The following HAO2 variants were observed in gnomAD, a reference collection of about 807,000 sequenced individuals.
HAO2 encodes the protein 2-Hydroxyacid oxidase 2.
Under a neutral mutation model 37.4 loss-of-function variants are expected in HAO2, and 42 were observed. The ratio of observed to expected loss-of-function variants is 1.12; its 90% CI spans 0.88 to 1.45. HAO2 has a LOEUF of 1.45. Among genes scored for constraint, HAO2 ranks in the 40% most tolerant of loss-of-function variants. HAO2 has a pLI of 0.00. For missense variants in HAO2, 476 were observed against 430.2 expected (o/e 1.11, Z -0.94); for synonymous variants, 180 against 162.8 (o/e 1.11, Z -0.81).
At chr1:119,385,269 C>G (rs1650288796) in intron 4 of HAO2, 1 of 985,086 alleles carries the variant, frequency 1.0e-6, no homozygotes, top group African/African-American at 1.7e-5. Context: ...ATGTTCTCAC[C>G]CTTGGAGCTG....
At chr1:119,380,839 G>A in intron 1 of HAO2, 2 of 745,202 alleles carry the variant, frequency 2.7e-6, no homozygotes, top group Non-Finnish European at 4.6e-6. Context: ...ATACTCAGAA[G>A]GCCAAATAAT....
Position 119,385,074 on chromosome 1 carries a change from G to T in HAO2, c.561+21G>T, listed in dbSNP as rs142325018. 6.3e-6 allele frequency: 10 copies of T among 1,597,966 alleles called. No individual in the cohort carries two copies. In the Admixed American group the frequency reaches 1.7e-4, roughly 27 times the overall value. ...AAAAGGTAAGAAAGATACCAAATTC[G>T]ATGGACAGGCATTACAAGAGGCAAA... is the stretch of plus-strand genomic sequence containing the variant. On this transcript the variant is annotated intron_variant, in intron 4 of 7. Transcript: ENST00000325945.
Position 119,394,104 on chromosome 1 carries a change from A to G in HAO2, c.*264A>G. On this transcript the variant is annotated 3_prime_UTR_variant, in exon 8 of 8. Transcript: ENST00000325945. The stretch of plus-strand genomic sequence containing the variant: ...ATCTTCCTCTGAAGTAAAAGATCTC[A>G]AAAGGACAGATCATTAATGACTGGA... The G allele has an allele frequency of 2.5e-6, 3 of 1,189,778 alleles. No homozygotes were observed. The highest frequency in any genetic ancestry group is 3.2e-6 in the Non-Finnish European group (3 of 923,324). 73.7% of individuals were successfully genotyped at this position (1,189,778 alleles called of 1,614,324 possible). A position where few individuals can be genotyped will look rare whatever the true frequency, so the allele number is the denominator to read the frequency against.
At position 119,386,749 on chromosome 1, in the gene HAO2, CAG is replaced by C; in HGVS notation, c.692_693del (p.Glu231ValfsTer21). On this transcript the variant is annotated frameshift_variant, in exon 5 of 8. Transcript: ENST00000325945. LOFTEE classifies it high-confidence loss of function. ...AAAGGGATTTTGACAAAAGAGGATG[CAG>C]AGTTAGCTGTGAAGCACAATGTCCA... 1 of 1,613,396 alleles carries C rather than the reference CAG, an allele frequency of 6.2e-7. No individual in the cohort carries two copies. The highest frequency in any genetic ancestry group is 1.7e-4 in the Middle Eastern group (1 of 6,060).
At chr1:119,385,486 C>A in intron 4 of HAO2, 1 of 774,474 alleles carries the variant, frequency 1.3e-6, no homozygotes, top group Non-Finnish European at 1.6e-6. Flanking sequence ...ACCAAAGTGA[C>A]TGGCCAGACA....
chr1:119,374,808 A>G (rs1367165010), intron 1 of HAO2, among the ~76,000 whole-genome samples: 3 of 152,242 alleles, frequency 2.0e-5, no homozygotes, highest in Non-Finnish European at 2.9e-5. Context: ...GTCTGGTGTT[A>G]AATCAGATTG....
intron 1 of HAO2, among the ~76,000 whole-genome samples, chr1:119,369,291 G>T (rs1648768106): frequency 6.6e-6 from 1 of 152,134 alleles, no homozygotes; most frequent in Non-Finnish European, 1.5e-5. Flanking sequence ...ACAAGCAAAA[G>T]AAAACAGTGA....
intron 4 of HAO2, 92 bp downstream of exon 4, chr1:119,385,145 G>A (rs1650281141): frequency 2.6e-6 from 4 of 1,511,444 alleles, no homozygotes; most frequent in South Asian, 2.6e-5. Flanking sequence ...CTTTCCACAG[G>A]CATTTATCGA....
intron 5 of HAO2, among the ~76,000 whole-genome samples, chr1:119,391,064 TG>T (rs1445345670): frequency 2.0e-5 from 3 of 152,186 alleles, no homozygotes; most frequent in Non-Finnish European, 1.5e-5. Flanking sequence ...AGTTATTACA[TG>T]TAAGTTCAAA....
intron 4 of HAO2, chr1:119,386,057 C>A: frequency 5.5e-6 from 1 of 182,978 alleles, no homozygotes; most frequent in Non-Finnish European, 1.0e-5. Context: ...GTCTTTGTGT[C>A]CCCAGATCCT....
intron 1 of HAO2, among the ~76,000 whole-genome samples, chr1:119,373,796 A>G (rs186429153): frequency 3.3e-5 from 5 of 152,326 alleles, no homozygotes; most frequent in African/African-American, 9.6e-5. Flanking sequence ...GGGAATTTTC[A>G]TTAGTAGAAA....
Position 119,386,845 on chromosome 1 carries a change from C to T in HAO2, c.771+14C>T. On this transcript the variant is annotated intron_variant, in intron 5 of 7. Coordinates refer to ENST00000325945, the MANE Select transcript of HAO2 (RefSeq NM_016527.4). The stretch of plus-strand genomic sequence containing the variant: ...GTTCTTGCTTCAGTAAGTAGGATTA[C>T]TTCAGAGAAGGGTGTGTTTGTGAGT... 1 of 1,539,930 alleles carries T rather than the reference C, an allele frequency of 6.5e-7. No homozygotes were observed. The highest frequency in any genetic ancestry group is 9.0e-7 in the Non-Finnish European group (1 of 1,112,432).
chr1:119,392,308 T>C, intron 6 of HAO2, 40 bp downstream of exon 6: 1 of 1,495,308 alleles, frequency 6.7e-7, no homozygotes, highest in Non-Finnish European at 9.2e-7. Flanking sequence ...GATACAGAGC[T>C]TCTCATTCAT....
chr1:119,385,774 C>A, intron 4 of HAO2: 1 of 985,272 alleles, frequency 1.0e-6, no homozygotes, highest in Non-Finnish European at 1.2e-6. Context: ...TGACACCAAG[C>A]CAAGTAACTC....
At chr1:119,386,476 G>C (rs1325548412) in intron 4 of HAO2, 146 bp from the exon 5 acceptor site, 1 of 625,522 alleles carries the variant, frequency 1.6e-6, no homozygotes, top group Non-Finnish European at 2.8e-6. Flanking sequence ...AAAGTGCTGG[G>C]ATTACAGGCA....
chr1:119,380,780 C>T, intron 1 of HAO2: 3 of 1,085,570 alleles, frequency 2.8e-6, no homozygotes, highest in Admixed American at 1.7e-5. Flanking sequence ...GGTGGGGCCT[C>T]AACTAGGTCT....
chr1:119,377,953 G>A (rs1365040984), intron 1 of HAO2, among the ~76,000 whole-genome samples: 7 of 152,174 alleles, frequency 4.6e-5, no homozygotes, highest in Non-Finnish European at 1.0e-4. Context: ...TGTAATTCCA[G>A]CTACTCAGGA....
At chr1:119,382,807 C>G (rs1195049432) in intron 2 of HAO2, 108 bp from the exon 3 acceptor site, 3 of 1,011,100 alleles carry the variant, frequency 3.0e-6, no homozygotes, top group Non-Finnish European at 4.4e-6. Context: ...CCACAGGACC[C>G]TGTCTGGTTT....
At chr1:119,377,432 AG>A (rs1416700239) in intron 1 of HAO2, among the ~76,000 whole-genome samples, 6 of 152,216 alleles carry the variant, frequency 3.9e-5, no homozygotes, top group Non-Finnish European at 5.9e-5. Context: ...AGATGTCTCT[AG>A]GAAGTTCCAA....
Sources: allele counts gnomAD v4.1 joint callset (sites outside exome capture counted in the v4.1 genomes callset), GRCh38; gene constraint gnomAD v4.1.1; transcripts MANE v1.5; gene names NCBI Gene and HGNC (gene_info 2026-07-23, HGNC 2026-07-21).